PRKRIP1: variants seen among roughly 807,000 people sequenced by gnomAD.
The protein encoded by PRKRIP1 is PRKR interacting protein 1.
In PRKRIP1, 29 loss-of-function variants were observed where a neutral mutation model predicts 29.3. The observed-to-expected ratio is 0.99, with a 90% confidence interval of 0.74 to 1.35. The LOEUF (loss-of-function observed/expected upper bound fraction) is 1.35. PRKRIP1 is among the 40% of genes most tolerant of loss of function. The probability of loss-of-function intolerance (pLI) is 0.00; values close to 1 mark genes in which losing one functional copy is unlikely to be tolerated. For missense variants in PRKRIP1, 247 were observed against 236.8 expected (o/e 1.04, Z -0.28); for synonymous variants, 90 against 85.1 (o/e 1.06, Z -0.32).
chr7:102,406,348 G>A lies in PRKRIP1; in HGVS notation c.393-1086G>A, dbSNP rs186371270. Among the ~76,000 whole-genome samples the A allele has an allele frequency of 3.9e-5, 6 of 152,248 alleles. No homozygotes were observed. In the East Asian group the frequency reaches 5.8e-4, roughly 15 times the overall value. On this transcript the variant is annotated intron_variant, in intron 4 of 5. Coordinates refer to ENST00000397912, the MANE Select transcript of PRKRIP1 (RefSeq NM_024653.4). ...TGGTCTAACCACTGAGCTGGTTGTC[G>A]CAGGTGTCATGTAAAATCCACTTTT...
intron 5 of PRKRIP1, among the ~76,000 whole-genome samples, chr7:102,411,447 C>CA (rs1316654392): frequency 6.6e-6 from 1 of 151,812 alleles, no homozygotes; most frequent in African/African-American, 2.4e-5. Flanking sequence ...GTACAGTGTG[C>CA]AATCTTGGCT....
chr7:102,419,018 C>T (rs928802317), intron 5 of PRKRIP1, among the ~76,000 whole-genome samples: 1 of 152,148 alleles, frequency 6.6e-6, no homozygotes, highest in Non-Finnish European at 1.5e-5. Context: ...TCCCCACACT[C>T]CCTTCACAGA....
Position 102,407,464 on chromosome 7 carries a change from AAAG to A in PRKRIP1, c.428_430del (p.Lys143del). On this transcript the variant is annotated inframe_deletion, in exon 5 of 6. Transcript: ENST00000397912. Reference sequence around the variant, plus strand: ...AGTTAAAAGAGAAGAAATTACTGGCAAAGAAGATGAAACTTGAACAGAAGAAAC... The same window carrying A: ...AGTTAAAAGAGAAGAAATTACTGGCAAAGATGAAACTTGAACAGAAGAAAC... The A allele has an allele frequency of 6.2e-7, 1 of 1,613,086 alleles. No individual in the cohort carries two copies. Among genetic ancestry groups the A allele is most frequent in the Admixed American group, 1.7e-5 (1 of 60,020 alleles).
intron 5 of PRKRIP1, among the ~76,000 whole-genome samples, chr7:102,419,116 A>T (rs935075901): frequency 8.5e-5 from 13 of 152,268 alleles, no homozygotes; most frequent in East Asian, 1.9e-4. Flanking sequence ...AATGACTTTT[A>T]AAATTAGCAT....
At chr7:102,424,075 C>T (rs561265227) in intron 5 of PRKRIP1, among the ~76,000 whole-genome samples, 3 of 152,390 alleles carry the variant, frequency 2.0e-5, no homozygotes, top group South Asian at 2.1e-4. Flanking sequence ...CAGCGCCGTG[C>T]GTGTTCTGTG....
At chr7:102,424,148 G>A (rs1345710375) in intron 5 of PRKRIP1, among the ~76,000 whole-genome samples, 1 of 152,272 alleles carries the variant, frequency 6.6e-6, no homozygotes, top group Non-Finnish European at 1.5e-5. Flanking sequence ...GCCTTTGGCT[G>A]TGCAGGGCCT....
At chr7:102,400,316 A>G (rs957447205) in intron 3 of PRKRIP1, among the ~76,000 whole-genome samples, 3 of 152,142 alleles carry the variant, frequency 2.0e-5, no homozygotes, top group Non-Finnish European at 4.4e-5. Context: ...TCTCAAAAAA[A>G]GGAAAAAAAA....
chr7:102,410,006 G>A (rs149035084), intron 5 of PRKRIP1, among the ~76,000 whole-genome samples: 42 of 152,152 alleles, frequency 2.8e-4, no homozygotes, highest in African/African-American at 9.6e-4. Flanking sequence ...GTCTCTGCTC[G>A]GTCAGCTTAG....
At chr7:102,406,511 C>T (rs148054356) in intron 4 of PRKRIP1, among the ~76,000 whole-genome samples, 100 of 152,254 alleles carry the variant, frequency 6.6e-4, no homozygotes, top group African/African-American at 2.3e-3. Flanking sequence ...TCTCACCTTT[C>T]CAGTTTGCTT....
chr7:102,415,852 C>A (rs1292146061), intron 5 of PRKRIP1, among the ~76,000 whole-genome samples: 1 of 152,240 alleles, frequency 6.6e-6, no homozygotes, highest in Non-Finnish European at 1.5e-5. Flanking sequence ...GTCAGCAGCC[C>A]CAGTGTTCCT....
intron 5 of PRKRIP1, among the ~76,000 whole-genome samples, chr7:102,419,845 TTGTGTGTGTGTGTGTGTGTG>T (rs56752508): frequency 1.3e-3 from 190 of 142,722 alleles, no homozygotes; most frequent in East Asian, 5.1e-3. Context: ...TTTTGTGTTT[TTGTGTGTGTGTGTGTGTGTG>T]TGTGTGTGTG....
In PRKRIP1 at chr7:102,424,978, T is replaced by G. The variant is rs537188823; in HGVS notation, c.458-36T>G. ...AAAGCACCCTTGACCCTGAACGATTTTGCATGTCTGTAATTTGAATGTCGT... is the reference window on the plus strand; with the variant it reads ...AAAGCACCCTTGACCCTGAACGATTGTGCATGTCTGTAATTTGAATGTCGT... On this transcript the variant is annotated intron_variant, in intron 5 of 5. Coordinates refer to ENST00000397912, the MANE Select transcript of PRKRIP1 (RefSeq NM_024653.4). 4.2e-5 allele frequency: 67 copies of G among 1,599,888 alleles called. 3 individuals are homozygous for G. The South Asian group carries it at 6.2e-4, about 15-fold the overall frequency.
At chr7:102,415,151 A>G (rs781960614) in intron 5 of PRKRIP1, among the ~76,000 whole-genome samples, 1 of 152,204 alleles carries the variant, frequency 6.6e-6, no homozygotes, top group Non-Finnish European at 1.5e-5. Flanking sequence ...AAAGCCTTAC[A>G]GAAATACAGT....
chr7:102,404,901 T>C (rs998047202), intron 4 of PRKRIP1, among the ~76,000 whole-genome samples: 12 of 152,066 alleles, frequency 7.9e-5, no homozygotes, highest in African/African-American at 2.7e-4. Context: ...AGTGATCACA[T>C]TGATTTCTGT....
Position 102,399,653 on chromosome 7 carries a change from G to A in PRKRIP1, c.306+5G>A. On this transcript the variant is annotated splice_donor_5th_base_variant and intron_variant, in intron 3 of 5. Transcript: ENST00000397912. Reference sequence around the variant, plus strand: ...ATGGATGCCATGGCTGAGAAGGTCAGTGAGCCAGAAGGCTGGCTGAGCCCC... The same window carrying A: ...ATGGATGCCATGGCTGAGAAGGTCAATGAGCCAGAAGGCTGGCTGAGCCCC... The A allele has an allele frequency of 6.2e-7, 1 of 1,609,012 alleles. No homozygotes were observed. The highest frequency in any genetic ancestry group is 8.5e-7 in the Non-Finnish European group (1 of 1,175,408).
chr7:102,422,895 G>C (rs1262581971), intron 5 of PRKRIP1: 1 of 274,258 alleles, frequency 3.6e-6, no homozygotes, highest in Non-Finnish European at 7.4e-6. Context: ...TCATTGTGTA[G>C]ATGCAGATAT....
intron 5 of PRKRIP1, among the ~76,000 whole-genome samples, chr7:102,423,931 G>A (rs1038994669): frequency 6.6e-6 from 1 of 152,204 alleles, no homozygotes; most frequent in Non-Finnish European, 1.5e-5. Context: ...CAAAGTGCTG[G>A]GATTACAGGT....
chr7:102,413,288 G>A (rs1396625731), intron 5 of PRKRIP1, among the ~76,000 whole-genome samples: 1 of 152,182 alleles, frequency 6.6e-6, no homozygotes, highest in Non-Finnish European at 1.5e-5. Context: ...TGATCTAGGG[G>A]CAGGTATCCA....
In PRKRIP1 at chr7:102,396,390, C is replaced by T. The variant is rs1182911842; in HGVS notation, c.-22C>T. 4.6e-6 allele frequency: 7 copies of T among 1,527,864 alleles called. No homozygotes were observed. Among genetic ancestry groups the T allele is most frequent in the African/African-American group, 1.4e-5 (1 of 70,850 alleles). 94.6% of individuals were successfully genotyped at this position (1,527,864 alleles called of 1,614,324 possible). A position where few individuals can be genotyped will look rare whatever the true frequency, so the allele number is the denominator to read the frequency against. ...ACTTGCGCGCCGACGCCGCCGCTCG[C>T]TTGTGAAACTGGAAGGCTGCCATGG... On this transcript the variant is annotated 5_prime_UTR_variant, in exon 1 of 6. Coordinates refer to ENST00000397912, the MANE Select transcript of PRKRIP1 (RefSeq NM_024653.4).
Sources: gnomAD v4.1 joint callset for allele counts (sites outside exome capture counted in the v4.1 genomes callset) on GRCh38, gnomAD v4.1.1 for gene constraint, MANE v1.5 for transcripts, NCBI Gene and HGNC (gene_info 2026-07-23, HGNC 2026-07-21) for gene names.